SLC4A7: variants seen among roughly 807,000 people sequenced by gnomAD.
SLC4A7 encodes solute carrier family 4 member 7.
Under a neutral mutation model 137.6 loss-of-function variants are expected in SLC4A7, and 51 were observed. That is an observed-to-expected ratio of 0.37 (90% CI 0.30 to 0.47). The LOEUF is 0.47. Among genes scored for constraint, SLC4A7 ranks in the 20% least tolerant of loss-of-function variants. The pLI, the probability that SLC4A7 is intolerant of heterozygous loss-of-function variation, is 1.00. For synonymous variants in SLC4A7, 542 were observed against 518.6 expected (o/e 1.05, Z -0.61); for missense variants, 1,247 against 1,525.4 (o/e 0.82, Z 3.04).
At chr3:27,389,659 G>A (rs1280288052) in intron 22 of SLC4A7, among the ~76,000 whole-genome samples, 1 of 152,006 alleles carries the variant, frequency 6.6e-6, no homozygotes, top group Non-Finnish European at 1.5e-5. Flanking sequence ...TTTGTTCCAT[G>A]AACGTCCTGA....
rs551167430 is a variant in SLC4A7, at chr3:27,435,868, A to G, written c.589+520T>C. On this transcript the variant is annotated intron_variant, in intron 5 of 25. Coordinates refer to ENST00000454389, the MANE Select transcript of SLC4A7 (RefSeq NM_001321103.2). ...ATCCCCCCCTTAAAAAAAAAATCCA[A>G]TAATTCAAGGCTAGTCACAATCTCA... 8.5e-5 allele frequency among the ~76,000 whole-genome samples: 13 copies of G among 152,200 alleles called. No individual in the cohort carries two copies. In the East Asian group the frequency reaches 1.7e-3, roughly 20 times the overall value.
intron 1 of SLC4A7, among the ~76,000 whole-genome samples, chr3:27,478,473 G>A (rs1284766756): frequency 7.2e-6 from 1 of 139,828 alleles, no homozygotes; most frequent in African/African-American, 2.7e-5. Context: ...ACCCAAGATC[G>A]TACCACTGCA....
chr3:27,389,033 G>A (rs189096355), intron 22 of SLC4A7, among the ~76,000 whole-genome samples: 102 of 151,746 alleles, frequency 6.7e-4, no homozygotes, highest in Non-Finnish European at 1.3e-3. Context: ...CCTTAATCTT[G>A]TATATCCATT....
intron 11 of SLC4A7, 29 bp downstream of exon 11, chr3:27,418,457 G>A: frequency 3.2e-6 from 5 of 1,566,022 alleles, no homozygotes; most frequent in Non-Finnish European, 4.3e-6. Context: ...AATAAAGTAA[G>A]TCACAGAAGA....
chr3:27,402,736 G>A (rs1216340982), intron 15 of SLC4A7, among the ~76,000 whole-genome samples: 1 of 151,008 alleles, frequency 6.6e-6, no homozygotes, highest in Non-Finnish European at 1.5e-5. Context: ...TATTAATGAA[G>A]ATGCAAAATT....
chr3:27,418,400 T>C, intron 11 of SLC4A7, 86 bp downstream of exon 11: 1 of 1,048,118 alleles, frequency 9.5e-7, no homozygotes, highest in Admixed American at 2.6e-5. Flanking sequence ...ATAAAACTTC[T>C]CTGTTTTGGT....
chr3:27,397,757 A>T lies in SLC4A7; in HGVS notation c.2630T>A (p.Ile877Lys). The T allele has an allele frequency of 6.2e-7, 1 of 1,608,818 alleles. No homozygotes were observed. Among genetic ancestry groups the T allele is most frequent in the East Asian group, 2.2e-5 (1 of 44,670 alleles). ...GTAGTCAATTGTAACCATTATTACT[A>T]TTGTGAGAAATACAGCAAAATCACT... ...TISDFAVFLT[I>K]VIMVTIDYLV... Residue 877 changes from isoleucine (I) to lysine (K), a missense_variant, in exon 18 of 26, where the codon ATA (isoleucine) becomes AAA (lysine). Ile to Lys is a moderately radical substitution (Grantham distance 102, BLOSUM62 -3). Coordinates refer to ENST00000454389, the MANE Select transcript of SLC4A7 (RefSeq NM_001321103.2).
At chr3:27,457,057 G>T (rs2058452454) in intron 1 of SLC4A7, 4 of 447,314 alleles carry the variant, frequency 8.9e-6, no homozygotes, top group Non-Finnish European at 1.2e-5. Flanking sequence ...AATTATCATT[G>T]TAACCAAAAA....
intron 7 of SLC4A7, among the ~76,000 whole-genome samples, chr3:27,428,596 A>G (rs2055906444): frequency 6.6e-6 from 1 of 152,220 alleles, no homozygotes; most frequent in Non-Finnish European, 1.5e-5. Context: ...AATGATAGGA[A>G]CACAAGGATT....
intron 7 of SLC4A7, among the ~76,000 whole-genome samples, chr3:27,424,999 T>G (rs1279617895): frequency 6.6e-6 from 1 of 152,338 alleles, no homozygotes; most frequent in Non-Finnish European, 1.5e-5. Context: ...CATTTCGCAA[T>G]AATAAAAACA....
chr3:27,393,842 G>A (rs2051849846), intron 20 of SLC4A7, among the ~76,000 whole-genome samples: 2 of 152,156 alleles, frequency 1.3e-5, no homozygotes, highest in Admixed American at 6.5e-5. Flanking sequence ...CAAGAGGGAT[G>A]TGATGGAAGA....
chr3:27,476,333 A>G (rs1011876001), intron 1 of SLC4A7, among the ~76,000 whole-genome samples: 2 of 152,310 alleles, frequency 1.3e-5, no homozygotes, highest in Non-Finnish European at 2.9e-5. Flanking sequence ...TTTACTCAAC[A>G]TTCTCACTCA....
chr3:27,389,871 TA>T (rs1318883156), intron 22 of SLC4A7, 59 bp downstream of exon 22: 15 of 1,232,236 alleles, frequency 1.2e-5, no homozygotes, highest in East Asian at 2.6e-5. Context: ...TAAATATTAA[TA>T]AAAAATTACT....
intron 11 of SLC4A7, among the ~76,000 whole-genome samples, chr3:27,414,447 C>A (rs1576311444): frequency 2.0e-5 from 3 of 152,158 alleles, no homozygotes; most frequent in Admixed American, 1.3e-4. Flanking sequence ...ATATATTTGG[C>A]ATGTTAGAGG....
intron 18 of SLC4A7, among the ~76,000 whole-genome samples, chr3:27,396,645 T>C (rs1305539841): frequency 6.6e-6 from 1 of 152,064 alleles, no homozygotes; most frequent in Non-Finnish European, 1.5e-5. Flanking sequence ...TAAAATTAGA[T>C]TTTATAATAT....
At chr3:27,475,078 C>G (rs1007867994) in intron 1 of SLC4A7, among the ~76,000 whole-genome samples, 2 of 152,052 alleles carry the variant, frequency 1.3e-5, no homozygotes, top group Non-Finnish European at 2.9e-5. Context: ...CCACTGCACT[C>G]TGGGTGACAG....
intron 20 of SLC4A7, among the ~76,000 whole-genome samples, chr3:27,392,940 A>C (rs915988104): frequency 6.6e-6 from 1 of 152,218 alleles, no homozygotes. Flanking sequence ...AATTTTCATA[A>C]GACTGAAGAC....
chr3:27,446,692 G>C (rs1234178939), intron 3 of SLC4A7, among the ~76,000 whole-genome samples: 3 of 151,904 alleles, frequency 2.0e-5, no homozygotes, highest in Non-Finnish European at 4.4e-5. Context: ...GTGATGTATA[G>C]AACAGTTTTT....
At chr3:27,417,314 G>A (rs2054490128) in intron 11 of SLC4A7, among the ~76,000 whole-genome samples, 1 of 152,010 alleles carries the variant, frequency 6.6e-6, no homozygotes, top group Non-Finnish European at 1.5e-5. Context: ...CATAAAATAC[G>A]CTATCATAAC....
Sources: allele counts gnomAD v4.1 joint callset (sites outside exome capture counted in the v4.1 genomes callset), GRCh38; gene constraint gnomAD v4.1.1; transcripts MANE v1.5; gene names NCBI Gene and HGNC (gene_info 2026-07-23, HGNC 2026-07-21).